Variants in POLR2F observed in about 807,000 individuals in gnomAD.
POLR2F encodes the protein RNA polymerase II, I and III subunit F.
POLR2F carries 12 observed loss-of-function variants against 22.7 expected under a neutral mutation model. The ratio of observed to expected loss-of-function variants is 0.53; its 90% confidence interval spans 0.34 to 0.86. POLR2F has a LOEUF of 0.86. Ranked by LOEUF, POLR2F falls within the 40% of genes least tolerant of loss-of-function variation. POLR2F has a pLI of 0.02. For missense variants in POLR2F, 126 were observed against 171.5 expected (o/e 0.73, Z 1.48); for synonymous variants, 57 against 66.0 (o/e 0.86, Z 0.66).
intron 5 of POLR2F, chr22:38,034,097 C>T (rs146630614): frequency 1.2e-5 from 2 of 168,430 alleles, no homozygotes; most frequent in African/African-American, 2.4e-5. Context: ...TCCCGACTCC[C>T]CTTGTCAGCT....
chr22:37,999,826 A>G (rs2084752811), intron 1 of POLR2F, among the ~76,000 whole-genome samples: 1 of 152,182 alleles, frequency 6.6e-6, no homozygotes, highest in Non-Finnish European at 1.5e-5. Context: ...AACAGGTGTC[A>G]AGTGCCCGAC....
At chr22:38,019,533 C>G (rs1254971284) in intron 1 of POLR2F, among the ~76,000 whole-genome samples, 1 of 152,172 alleles carries the variant, frequency 6.6e-6, no homozygotes, top group Non-Finnish European at 1.5e-5. Context: ...ATCCCCCAAG[C>G]ACGCCCTGAA....
intron 1 of POLR2F, among the ~76,000 whole-genome samples, chr22:38,008,806 C>T (rs1297418278): frequency 6.8e-6 from 1 of 147,862 alleles, no homozygotes; most frequent in Non-Finnish European, 1.5e-5. Context: ...TGCAGTGAGC[C>T]GAGATTGCAC....
chr22:38,035,957 G>A (rs997495169), intron 5 of POLR2F, among the ~76,000 whole-genome samples: 5 of 151,100 alleles, frequency 3.3e-5, no homozygotes, highest in Non-Finnish European at 7.4e-5. Context: ...GGTCAGAGGT[G>A]AGGCACTGAG....
chr22:37,962,212 C>T (rs1378327699), intron 3 of POLR2F, among the ~76,000 whole-genome samples: 1 of 151,856 alleles, frequency 6.6e-6, no homozygotes, highest in East Asian at 1.9e-4. Flanking sequence ...GCCTGAGTGA[C>T]AGAGACTCCA....
chr22:37,969,216 C>A lies in POLR2F; in HGVS notation c.*1501C>A. On this transcript the variant is annotated 3_prime_UTR_variant, in exon 5 of 5. Transcript: ENST00000442738. The stretch of plus-strand genomic sequence containing the variant: ...ACAGAAGGGGTGTTTTTCCTCCTGT[C>A]TTCCTCTTCCCATTCTCCTCTTTTG... 4 of 985,328 alleles carry A rather than the reference C, an allele frequency of 4.1e-6. No homozygotes were observed. Among genetic ancestry groups the A allele is most frequent in the Non-Finnish European group, 4.8e-6 (4 of 829,866 alleles). The allele number at this position is 985,328 out of a possible 1,614,324, so 61.0% of individuals were successfully genotyped here. A position where few individuals can be genotyped will look rare whatever the true frequency, so the allele number is the denominator to read the frequency against.
At chr22:38,003,646 G>A (rs934539000) in intron 1 of POLR2F, among the ~76,000 whole-genome samples, 1 of 151,584 alleles carries the variant, frequency 6.6e-6, no homozygotes, top group African/African-American at 2.4e-5. Flanking sequence ...GTATGATCCC[G>A]GCTTACTGCA....
In POLR2F at chr22:37,980,283, G is replaced by A. The variant is rs1237306398; in HGVS notation, c.293+13113G>A. 1.3e-5 allele frequency among the ~76,000 whole-genome samples: 2 copies of A among 152,116 alleles called. No individual in the cohort carries two copies. Among genetic ancestry groups the A allele is most frequent in the African/African-American group, 4.8e-5 (2 of 41,396 alleles). On this transcript the variant is annotated intron_variant, in intron 4 of 4. Coordinates refer to the POLR2F transcript ENST00000405557. The surrounding 1 kb of genome is among the most constrained non-coding windows in gnomAD (Gnocchi z 4.1). ...CACAGAGGAGAGAGCTGCTCCGCCA[G>A]CAGTGGACCCCAACAGAGGGGCTTC...
chr22:38,015,838 G>A lies in POLR2F; in HGVS notation c.121-10031G>A, dbSNP rs148639912. ...TACTTAACTTCCCAAGTTTCTGTGA[G>A]ATAGGTATTATTATTATCCTCATTT... On this transcript the variant is annotated intron_variant, in intron 1 of 2. Coordinates refer to the POLR2F transcript ENST00000333418. Among the ~76,000 whole-genome samples, 539 of 152,286 alleles carry A rather than the reference G, an allele frequency of 3.5e-3. 2 individuals are homozygous for A. The highest frequency in any genetic ancestry group is 0.012 in the African/African-American group (493 of 41,538).
chr22:38,041,196 G>A (rs983342088), downstream of POLR2F: 57 of 1,587,754 alleles, frequency 3.6e-5, no homozygotes, highest in South Asian at 3.6e-4. Flanking sequence ...CAAGGCGGCC[G>A]CCAGGGAAGG....
At chr22:38,025,416 A>G (rs2084998323) in intron 1 of POLR2F, among the ~76,000 whole-genome samples, 1 of 152,064 alleles carries the variant, frequency 6.6e-6, no homozygotes, top group Non-Finnish European at 1.5e-5. Flanking sequence ...CATGCCCACA[A>G]CTCACAGATA....
At chr22:38,026,412 C>T in exon 3 of POLR2F, 1 of 458,688 alleles carries the variant, frequency 2.2e-6, no homozygotes, top group South Asian at 1.6e-5. Context: ...GACCATCTCT[C>T]TGGGTCTCAG....
In POLR2F at chr22:37,974,641, C is replaced by T. The variant is rs1932171496; in HGVS notation, c.293+7471C>T. ...GTGCTGGGATTACCATCATGAGCCACTGCGCCCCACAGCATTTGTTTAAAT... is the reference window on the plus strand; with the variant it reads ...GTGCTGGGATTACCATCATGAGCCATTGCGCCCCACAGCATTTGTTTAAAT... On this transcript the variant is annotated intron_variant, in intron 4 of 4. Coordinates refer to the POLR2F transcript ENST00000405557. This position sits in a 1 kb window ranked among gnomAD's most constrained non-coding sequence, Gnocchi z 5.4. Among the ~76,000 whole-genome samples, 1 of 152,214 alleles carries T rather than the reference C, an allele frequency of 6.6e-6. No homozygotes were observed. Among genetic ancestry groups the T allele is most frequent in the Admixed American group, 6.5e-5 (1 of 15,282 alleles).
Position 38,017,627 on chromosome 22 carries a change from G to C in POLR2F, c.121-8242G>C, listed in dbSNP as rs1034182479. Among the ~76,000 whole-genome samples the C allele has an allele frequency of 2.6e-4, 39 of 152,254 alleles. No individual in the cohort carries two copies. The highest frequency in any genetic ancestry group is 8.4e-4 in the African/African-American group (35 of 41,554). On this transcript the variant is annotated intron_variant, in intron 1 of 2. Coordinates refer to the POLR2F transcript ENST00000333418. The surrounding 1 kb of genome is among the most constrained non-coding windows in gnomAD (Gnocchi z 4.1). The stretch of plus-strand genomic sequence containing the variant: ...GCACCTGAATGGGTCATGCAGTCCC[G>C]TCAGCATCTCAGGGCTGGAGGGGCC...
chr22:37,972,349 A>T, downstream of POLR2F: 1 of 696,952 alleles, frequency 1.4e-6, no homozygotes, highest in Non-Finnish European at 2.3e-6. Flanking sequence ...GGAATGCTTA[A>T]TGCAGAGTTA....
At chr22:37,971,423 C>A, downstream of POLR2F, 1 of 403,908 alleles carries the variant, frequency 2.5e-6, no homozygotes, top group South Asian at 1.8e-5. Flanking sequence ...TGAGGAAGAA[C>A]TTCCAACCAT....
downstream of POLR2F, chr22:37,969,314 T>C (rs1049654036): frequency 9.1e-6 from 9 of 985,448 alleles, no homozygotes; most frequent in African/African-American, 1.6e-4. Context: ...CGGTCACCAC[T>C]ATTGGTTCTG....
At chr22:37,973,426 T>C (rs1468271414), downstream of POLR2F, 1 of 1,037,672 alleles carries the variant, frequency 9.6e-7, no homozygotes, top group African/African-American at 1.6e-5. Context: ...AGGCCTGAGG[T>C]GGGCAAGGAA....
At chr22:37,972,593 C>A (rs918624435), downstream of POLR2F, 1 of 218,174 alleles carries the variant, frequency 4.6e-6, no homozygotes, top group Non-Finnish European at 9.3e-6. Context: ...GGCCCTGTGT[C>A]TCCTGGAGCC....
Sources: gnomAD v4.1 joint callset for allele counts (sites outside exome capture counted in the v4.1 genomes callset) on GRCh38, gnomAD v4.1.1 for gene constraint, Gnocchi (gnomAD v3.1) non-coding constraint, MANE v1.5 for transcripts, NCBI Gene and HGNC (gene_info 2026-07-23, HGNC 2026-07-21) for gene names.